The following SSPN variants were observed in gnomAD, a reference collection of about 807,000 sequenced individuals.
SSPN encodes K-ras oncogene-associated protein.
A neutral mutation model predicts 19.1 loss-of-function variants in SSPN; 15 were observed. The observed-to-expected ratio is 0.78, with a 90% CI of 0.52 to 1.21. The LOEUF (loss-of-function observed/expected upper bound fraction) is 1.21. SSPN is among the 50% of genes most tolerant of loss of function. The probability of loss-of-function intolerance (pLI) is 0.00; values close to 1 mark genes in which losing one functional copy is unlikely to be tolerated. For missense variants in SSPN, 291 were observed against 314.0 expected (o/e 0.93, Z 0.55); for synonymous variants, 147 against 140.3 (o/e 1.05, Z -0.34).
chr12:26,167,057 T>C (rs1246165957), intron 1 of SSPN, among the ~76,000 whole-genome samples: 2 of 152,142 alleles, frequency 1.3e-5, no homozygotes. Context: ...TATTGAAAAA[T>C]AAAATAGTTA....
intron 1 of SSPN, among the ~76,000 whole-genome samples, chr12:26,150,420 A>C (rs939212334): frequency 6.6e-6 from 1 of 152,178 alleles, no homozygotes; most frequent in Non-Finnish European, 1.5e-5. Flanking sequence ...TGATGCTATA[A>C]ACTGGTTTAA....
intron 1 of SSPN, chr12:26,124,239 T>C: frequency 9.0e-7 from 1 of 1,110,216 alleles, no homozygotes; most frequent in Non-Finnish European, 1.3e-6. Flanking sequence ...ACTTATTGGA[T>C]ATTACCCTCG....
At chr12:26,199,879 C>T (rs1944862782) in intron 1 of SSPN, among the ~76,000 whole-genome samples, 1 of 152,164 alleles carries the variant, frequency 6.6e-6, no homozygotes, top group African/African-American at 2.4e-5. Flanking sequence ...GACATGTGCC[C>T]TTATTATATC....
At chr12:26,145,137 T>G (rs892533097) in intron 1 of SSPN, among the ~76,000 whole-genome samples, 3 of 152,222 alleles carry the variant, frequency 2.0e-5, no homozygotes, top group Non-Finnish European at 4.4e-5. Context: ...CATCATTAGC[T>G]GTCTTTCTTT....
chr12:26,143,422 A>T (rs912101963), intron 1 of SSPN, among the ~76,000 whole-genome samples: 1 of 152,216 alleles, frequency 6.6e-6, no homozygotes, highest in Non-Finnish European at 1.5e-5. Flanking sequence ...CTTATTTCAC[A>T]GATGGAAGAT....
chr12:26,179,919 C>CTGTTTTTTT (rs1944708089), intron 1 of SSPN: 1 of 68,268 alleles, frequency 1.5e-5, no homozygotes, highest in African/African-American at 6.1e-5. Flanking sequence ...TTTAGCTAGG[C>CTGTTTTTTT]TTTTTTTTTT....
chr12:26,187,547 G>T, intron 1 of SSPN, among the ~76,000 whole-genome samples: 1 of 152,220 alleles, frequency 6.6e-6, no homozygotes, highest in East Asian at 1.9e-4. Flanking sequence ...GTCACGAGGT[G>T]CACGGCAAAA....
At chr12:26,183,238 G>T (rs567572533) in intron 1 of SSPN, among the ~76,000 whole-genome samples, 7 of 152,262 alleles carry the variant, frequency 4.6e-5, no homozygotes, top group African/African-American at 1.4e-4. Flanking sequence ...TGTACTTTTA[G>T]AAATTTCTAC....
chr12:26,224,349 C>T lies in SSPN; in HGVS notation c.336C>T (p.Asp112=), dbSNP rs764547802. Residue 112 remains aspartate (D), a synonymous_variant, in exon 2 of 3, where the codon GAC becomes GAT. Coordinates refer to ENST00000242729, the MANE Select transcript of SSPN (RefSeq NM_005086.5). ...TGCTTTGTGTCTCATATCAGGTTGA[C>T]GAACGGACATGTATTCAATTTTCTA... ...LFMLCVSYQV[D]ERTCIQFSMK... is the part of the protein sequence containing the mutation. 34 of 1,613,602 alleles carry T rather than the reference C, an allele frequency of 2.1e-5. No individual in the cohort carries two copies. Among genetic ancestry groups the T allele is most frequent in the South Asian group, 5.5e-5 (5 of 91,058 alleles).
chr12:26,189,699 G>A (rs766275394), intron 1 of SSPN, among the ~76,000 whole-genome samples: 24 of 151,746 alleles, frequency 1.6e-4, no homozygotes, highest in Non-Finnish European at 2.9e-4. Flanking sequence ...ATTCCTTTAC[G>A]TATATTCTCC....
chr12:26,128,530 G>A (rs1434785252), intron 1 of SSPN, among the ~76,000 whole-genome samples: 1 of 152,202 alleles, frequency 6.6e-6, no homozygotes, highest in Non-Finnish European at 1.5e-5. Context: ...AAGCTCTAAT[G>A]TGAAGACTTC....
At chr12:26,142,364 T>C (rs1944465988) in intron 1 of SSPN, among the ~76,000 whole-genome samples, 1 of 152,042 alleles carries the variant, frequency 6.6e-6, no homozygotes, top group Non-Finnish European at 1.5e-5. Context: ...ACAGTGAAAA[T>C]GGAGAATGAT....
At position 26,231,066 on chromosome 12, in the gene SSPN, A is replaced by C. The variant is rs1365409574; in HGVS notation, c.722A>C (p.Gln241Pro). ...CTCACGGCTTCCGAAGGCCCCCAGC[A>C]AAAGATCTAACATTCTTGCTCAAAG... ...CSLTASEGPQ[Q>P]KI is the part of the protein sequence containing the mutation. Residue 241 changes from glutamine (Q) to proline (P), a missense_variant, in exon 3 of 3, where the codon CAA becomes CCA. Transcript: ENST00000242729. 6.2e-7 allele frequency: 1 copy of C among 1,612,832 alleles called. No individual in the cohort carries two copies. Among genetic ancestry groups the C allele is most frequent in the African/African-American group, 1.3e-5 (1 of 74,898 alleles).
At chr12:26,148,273 C>G (rs4462439) in intron 1 of SSPN, among the ~76,000 whole-genome samples, 1 of 152,168 alleles carries the variant, frequency 6.6e-6, no homozygotes, top group South Asian at 2.1e-4. Context: ...AGCTTCTTCC[C>G]GAGATCTGAA....
intron 1 of SSPN, among the ~76,000 whole-genome samples, chr12:26,206,077 G>T (rs563842475): frequency 6.6e-6 from 1 of 152,250 alleles, no homozygotes; most frequent in South Asian, 2.1e-4. Flanking sequence ...AATCGTGTGC[G>T]TCACAAATTT....
chr12:26,132,073 A>G (rs7955074), intron 1 of SSPN, among the ~76,000 whole-genome samples: 21,244 of 152,160 alleles, frequency 0.14, 3,397 homozygotes, highest in African/African-American at 0.39. Flanking sequence ...GGAGTTGTTG[A>G]GAGATGAGGA....
At chr12:26,175,299 G>A (rs986754082) in intron 1 of SSPN, among the ~76,000 whole-genome samples, 4 of 152,156 alleles carry the variant, frequency 2.6e-5, no homozygotes, top group African/African-American at 9.7e-5. Flanking sequence ...AATGACCAAT[G>A]ATACTGAACA....
chr12:26,159,808 C>T (rs761586328), intron 1 of SSPN, among the ~76,000 whole-genome samples: 3 of 152,188 alleles, frequency 2.0e-5, no homozygotes, highest in Non-Finnish European at 4.4e-5. Flanking sequence ...CTCTAGCATT[C>T]GAGCGGCAGC....
intron 2 of SSPN, among the ~76,000 whole-genome samples, chr12:26,229,213 T>C (rs1250547052): frequency 1.3e-5 from 2 of 152,030 alleles, no homozygotes; most frequent in South Asian, 2.1e-4. Context: ...AAAGAATCCA[T>C]GATACTAATT....
Sources: allele counts gnomAD v4.1 joint callset (sites outside exome capture counted in the v4.1 genomes callset), GRCh38; gene constraint gnomAD v4.1.1; transcripts MANE v1.5; gene names NCBI Gene and HGNC (gene_info 2026-07-23, HGNC 2026-07-21).